Variants in DLGAP2 observed in about 807,000 individuals in gnomAD.
DLGAP2 encodes the protein DLG associated protein 2, also known as disks large-associated protein 2.
In DLGAP2, 26 loss-of-function variants were observed where a neutral mutation model predicts 100.3. The observed-to-expected ratio is 0.26, with a 90% confidence interval of 0.19 to 0.36. The LOEUF (loss-of-function observed/expected upper bound fraction) is 0.36. DLGAP2 is among the 10% of genes least tolerant of loss of function. The probability of loss-of-function intolerance (pLI) is 1.00; values close to 1 mark genes in which losing one functional copy is unlikely to be tolerated. For synonymous variants in DLGAP2, 886 were observed against 630.1 expected (o/e 1.41, Z -6.08); for missense variants, 1,858 against 1,453.2 (o/e 1.28, Z -4.53).
intron 4 of DLGAP2, among the ~76,000 whole-genome samples, chr8:1,515,412 G>A (rs527952745): frequency 2.1e-4 from 32 of 151,078 alleles, no homozygotes; most frequent in African/African-American, 7.6e-4. Context: ...GCACACAGAT[G>A]TGCACACACA....
At chr8:1,267,698 C>CT (rs1392310558) in intron 3 of DLGAP2, among the ~76,000 whole-genome samples, 1 of 152,066 alleles carries the variant, frequency 6.6e-6, no homozygotes, top group Non-Finnish European at 1.5e-5. Context: ...CGCCCACGTC[C>CT]TCCGTGTCGC....
chr8:1,665,646 T>G (rs1249760689), intron 8 of DLGAP2, among the ~76,000 whole-genome samples: 1 of 152,246 alleles, frequency 6.6e-6, no homozygotes, highest in Non-Finnish European at 1.5e-5. Flanking sequence ...GAATCAATAT[T>G]TCTGCTTAAG....
intron 1 of DLGAP2, among the ~76,000 whole-genome samples, chr8:895,279 T>G (rs994276290): frequency 2.0e-5 from 3 of 152,124 alleles, no homozygotes; most frequent in African/African-American, 4.8e-5. Context: ...TCGGACTCCA[T>G]AAGTATACAC....
At chr8:912,612 G>T (rs1383100866) in intron 2 of DLGAP2, among the ~76,000 whole-genome samples, 1 of 151,744 alleles carries the variant, frequency 6.6e-6, no homozygotes, top group Non-Finnish European at 1.5e-5. Context: ...CTCCTGCTCC[G>T]TGGTGCCCGC....
chr8:1,462,635 G>A (rs969318773), intron 3 of DLGAP2, among the ~76,000 whole-genome samples: 5 of 152,170 alleles, frequency 3.3e-5, no homozygotes, highest in Non-Finnish European at 5.9e-5. Context: ...AGTTCCTCCC[G>A]CACTCGGTCA....
At chr8:823,629 C>T (rs901099561) in intron 1 of DLGAP2, among the ~76,000 whole-genome samples, 2 of 152,060 alleles carry the variant, frequency 1.3e-5, no homozygotes, top group Non-Finnish European at 2.9e-5. Context: ...GGACACGCAC[C>T]CCAGCAGGGA....
At chr8:1,591,256 A>G (rs1018576773) in intron 6 of DLGAP2, among the ~76,000 whole-genome samples, 6 of 151,866 alleles carry the variant, frequency 4.0e-5, no homozygotes, top group African/African-American at 1.4e-4. Context: ...AATTACAGGG[A>G]AGGGAGGTTA....
chr8:1,064,541 C>G (rs972256728), intron 2 of DLGAP2, among the ~76,000 whole-genome samples: 5 of 152,230 alleles, frequency 3.3e-5, no homozygotes, highest in African/African-American at 9.6e-5. Flanking sequence ...TTGATAACCT[C>G]AAAACCACCT....
intron 14 of DLGAP2, among the ~76,000 whole-genome samples, chr8:1,698,373 G>T (rs914868024): frequency 1.3e-5 from 2 of 151,546 alleles, no homozygotes; most frequent in Non-Finnish European, 2.9e-5. Context: ...CCATGCATGG[G>T]ACAGGTCCAC....
intron 2 of DLGAP2, among the ~76,000 whole-genome samples, chr8:1,254,896 G>C (rs1370070558): frequency 1.3e-5 from 2 of 151,020 alleles, no homozygotes; most frequent in African/African-American, 2.4e-5. Context: ...CGCGTGCTGT[G>C]TCTGTGCTCT....
chr8:1,190,067 G>A (rs1005069281), intron 2 of DLGAP2, among the ~76,000 whole-genome samples: 6 of 152,212 alleles, frequency 3.9e-5, no homozygotes, highest in Admixed American at 1.3e-4. Context: ...ACGGGCTCTG[G>A]TTTTCTGCTC....
rs147008380 is a variant in DLGAP2 at position 858,615 on chromosome 8, T to C, written c.19-49297T>C. 4.4e-3 allele frequency among the ~76,000 whole-genome samples: 654 copies of C among 148,860 alleles called. 5 individuals carry two copies. Among genetic ancestry groups the C allele is most frequent in the Admixed American group, 9.1e-3 (137 of 15,094 alleles). On this transcript the variant is annotated intron_variant, in intron 1 of 14. Transcript: ENST00000637795. ...GCTGTCACCGTGGGCACGTGTGTGA[T>C]GCTGTCACCGTGGGCACGTGTGTGA... is the stretch of plus-strand genomic sequence containing the variant.
chr8:1,464,129 C>G (rs544878998), intron 3 of DLGAP2, among the ~76,000 whole-genome samples: 1 of 152,190 alleles, frequency 6.6e-6, no homozygotes, highest in South Asian at 2.1e-4. Context: ...CCCAAAGCCA[C>G]GTTCCAGGAC....
chr8:1,196,410 G>A (rs1563246485), intron 2 of DLGAP2, among the ~76,000 whole-genome samples: 1 of 152,200 alleles, frequency 6.6e-6, no homozygotes. Context: ...AAGCCAGATA[G>A]GTGTGTGATG....
At chr8:1,641,200 G>C (rs537638846) in intron 8 of DLGAP2, among the ~76,000 whole-genome samples, 1 of 152,166 alleles carries the variant, frequency 6.6e-6, no homozygotes, top group African/African-American at 2.4e-5. Flanking sequence ...GACGAATCAC[G>C]TGCCTCCCGG....
chr8:1,506,865 G>T (rs554339466), intron 4 of DLGAP2, among the ~76,000 whole-genome samples: 11 of 152,162 alleles, frequency 7.2e-5, no homozygotes, highest in Admixed American at 2.6e-4. Flanking sequence ...ACAGAGCATA[G>T]ATTGGTGCAT....
chr8:1,488,316 C>T (rs1799282818), intron 3 of DLGAP2, among the ~76,000 whole-genome samples: 1 of 152,158 alleles, frequency 6.6e-6, no homozygotes, highest in South Asian at 2.1e-4. Context: ...CGGGGTGGCT[C>T]TTCCATGGAG....
intron 2 of DLGAP2, chr8:1,018,694 TTGAC>T (rs757404688): frequency 6.6e-6 from 1 of 152,258 alleles, no homozygotes; most frequent in Non-Finnish European, 1.5e-5. Context: ...TTACATTTAA[TTGAC>T]TATTTTAGGT....
intron 1 of DLGAP2, among the ~76,000 whole-genome samples, chr8:841,210 G>T (rs1796977941): frequency 6.6e-6 from 1 of 152,124 alleles, no homozygotes; most frequent in African/African-American, 2.4e-5. Flanking sequence ...GGAATGAATT[G>T]GTTTATCTCA....
Sources: gnomAD v4.1 joint callset for allele counts (sites outside exome capture counted in the v4.1 genomes callset) on GRCh38, gnomAD v4.1.1 for gene constraint, MANE v1.5 for transcripts, NCBI Gene and HGNC (gene_info 2026-07-23, HGNC 2026-07-21) for gene names.